POF1B: variants seen among roughly 807,000 people sequenced by gnomAD.
The protein encoded by POF1B is protein POF1B.
In POF1B, 53 loss-of-function variants were observed where a neutral mutation model predicts 55.3. The observed-to-expected ratio is 0.96, with a 90% CI of 0.77 to 1.20. The LOEUF is 1.20. POF1B is among the 50% of genes most tolerant of loss of function. The pLI, the probability that POF1B is intolerant of heterozygous loss-of-function variation, is 0.00. For missense variants in POF1B, 478 were observed against 420.5 expected (o/e 1.14, Z -1.20); for synonymous variants, 188 against 148.3 (o/e 1.27, Z -1.95).
intron 2 of POF1B, among the ~76,000 whole-genome samples, chrX:85,372,986 A>T (rs1195951957): frequency 1.8e-5 from 2 of 109,100 alleles, no homozygotes; most frequent in East Asian, 5.8e-4. Context: ...AAAGAAAGAA[A>T]ACCTTAAAAA....
At chrX:85,313,622 T>G (rs1431137518) in intron 9 of POF1B, among the ~76,000 whole-genome samples, 1 of 111,391 alleles carries the variant, frequency 9.0e-6, no homozygotes, top group African/African-American at 3.3e-5. Context: ...TCAGGGATAT[T>G]GGCCTGAAAT....
chrX:85,376,313 C>T (rs1402948022), intron 2 of POF1B, among the ~76,000 whole-genome samples: 12 of 111,523 alleles, frequency 1.1e-4, no homozygotes, highest in Non-Finnish European at 3.8e-5. Flanking sequence ...TAAGGCATTT[C>T]ATTTTGAGTT....
At chrX:85,289,777 G>A (rs1180512975) in intron 15 of POF1B, among the ~76,000 whole-genome samples, 1 of 111,123 alleles carries the variant, frequency 9.0e-6, no homozygotes, top group East Asian at 2.8e-4. Context: ...ACATAATCAG[G>A]CAAACAACCC....
chrX:85,345,986 G>A lies in POF1B; in HGVS notation c.597C>T (p.Ile199=). 1 of 1,205,108 alleles carries A rather than the reference G, an allele frequency of 8.3e-7. No individual in the cohort carries two copies. The highest frequency in any genetic ancestry group is 1.1e-6 in the Non-Finnish European group (1 of 892,012). The change falls in exon 6 of 17, where the codon ATC becomes ATT. Residue 199 remains isoleucine, a synonymous_variant. Transcript: ENST00000262753. The stretch of plus-strand genomic sequence containing the variant: ...CAGGTTGTTGCCAGTGTGCAGAGTG[G>A]ATGACCTGGGGCTGTTGGATAATGT... ...HHHIIQQPQV[I]HSAHWQQPDS...
At chrX:85,372,773 C>CTATATATATATA (rs200507402) in intron 2 of POF1B, among the ~76,000 whole-genome samples, 91 of 96,743 alleles carry the variant, frequency 9.4e-4, no homozygotes, top group African/African-American at 3.4e-3. Context: ...ATTATATATA[C>CTATATATATATA]TATATATATA....
intron 2 of POF1B, among the ~76,000 whole-genome samples, chrX:85,368,788 C>G (rs1933772658): frequency 9.0e-6 from 1 of 111,672 alleles, no homozygotes; most frequent in Non-Finnish European, 1.9e-5. Flanking sequence ...ACCAACAAAA[C>G]TGCAATCACT....
intron 15 of POF1B, among the ~76,000 whole-genome samples, chrX:85,288,850 T>A (rs1932116977): frequency 8.9e-6 from 1 of 111,974 alleles, no homozygotes; most frequent in African/African-American, 3.2e-5. Flanking sequence ...ATTAAACCTC[T>A]TTTTGTTCTC....
intron 7 of POF1B, among the ~76,000 whole-genome samples, chrX:85,320,229 G>T (rs1017048785): frequency 9.1e-6 from 1 of 110,440 alleles, no homozygotes; most frequent in Non-Finnish European, 1.9e-5. Flanking sequence ...GCATTTATTC[G>T]TATCTTCTCA....
At chrX:85,322,717 G>T (rs1360094908) in intron 7 of POF1B, among the ~76,000 whole-genome samples, 3 of 111,470 alleles carry the variant, frequency 2.7e-5, no homozygotes, top group African/African-American at 9.8e-5. Flanking sequence ...CTAATATCCA[G>T]AATCTACAAT....
chrX:85,314,194 T>A (rs1226832782), intron 9 of POF1B, among the ~76,000 whole-genome samples: 2 of 110,804 alleles, frequency 1.8e-5, no homozygotes, highest in Non-Finnish European at 3.8e-5. Flanking sequence ...GAGGAGTGAA[T>A]AAGGGCATTC....
chrX:85,326,142 A>C (rs1312586870), intron 7 of POF1B, among the ~76,000 whole-genome samples: 1 of 111,778 alleles, frequency 8.9e-6, no homozygotes, highest in Non-Finnish European at 1.9e-5. Context: ...AGTGTGATCC[A>C]CCCTCGTTTG....
intron 9 of POF1B, among the ~76,000 whole-genome samples, chrX:85,309,509 T>G (rs1237392467): frequency 3.6e-5 from 4 of 111,575 alleles, no homozygotes; most frequent in Non-Finnish European, 5.7e-5. Flanking sequence ...TCTTGGGACC[T>G]GAGAAATGAC....
chrX:85,351,535 A>G (rs1313368486), intron 4 of POF1B, 84 bp from the exon 5 acceptor site: 11 of 659,494 alleles, frequency 1.7e-5, no homozygotes, highest in Admixed American at 1.5e-4. Context: ...CCAGTGTCGA[A>G]TAGGCTCTGA....
At position 85,303,451 on chromosome X, in the gene POF1B, TGA is replaced by T; in HGVS notation, c.1602_1603del (p.His535Ter). On this transcript the variant is annotated frameshift_variant, in exon 15 of 17. Coordinates refer to ENST00000262753, the MANE Select transcript of POF1B (RefSeq NM_024921.4). LOFTEE classifies it high-confidence loss of function. ...CCTTCCACCAGTGGAGGGTTGGTTA[TGA>T]GAGGAATATATTTCTTGCCGCAACT... The T allele has an allele frequency of 8.4e-7, 1 of 1,195,314 alleles. No individual in the cohort carries two copies. The highest frequency in any genetic ancestry group is 1.1e-6 in the Non-Finnish European group (1 of 882,801).
At chrX:85,326,058 C>T (rs910984584) in intron 7 of POF1B, among the ~76,000 whole-genome samples, 2 of 111,381 alleles carry the variant, frequency 1.8e-5, no homozygotes, top group African/African-American at 3.3e-5. Context: ...CTGGAGAGGC[C>T]GAATTCTTCC....
At chrX:85,353,617 AT>A (rs1050728441) in intron 4 of POF1B, among the ~76,000 whole-genome samples, 18 of 111,247 alleles carry the variant, frequency 1.6e-4, no homozygotes, top group Non-Finnish European at 3.2e-4. Context: ...ATGATTGCAA[AT>A]AGCTCCCAAA....
At chrX:85,340,186 C>A (rs1459444616) in intron 6 of POF1B, among the ~76,000 whole-genome samples, 3 of 110,669 alleles carry the variant, frequency 2.7e-5, no homozygotes, top group African/African-American at 6.6e-5. Context: ...TGGTGGGAGT[C>A]CAGAAAGACC....
intron 6 of POF1B, among the ~76,000 whole-genome samples, chrX:85,336,393 A>G (rs1193780987): frequency 9.0e-6 from 1 of 111,053 alleles, no homozygotes; most frequent in Non-Finnish European, 1.9e-5. Context: ...ACTGTTCTCC[A>G]TAGTAGTTGC....
chrX:85,313,729 G>A (rs1932757187), intron 9 of POF1B, among the ~76,000 whole-genome samples: 1 of 111,419 alleles, frequency 9.0e-6, no homozygotes, highest in African/African-American at 3.3e-5. Context: ...ACTATTGTTT[G>A]GGATAGTTTC....
Sources: allele counts gnomAD v4.1 joint callset (sites outside exome capture counted in the v4.1 genomes callset), GRCh38; gene constraint gnomAD v4.1.1; transcripts MANE v1.5; gene names NCBI Gene and HGNC (gene_info 2026-07-23, HGNC 2026-07-21).